Variants in LRP12 observed in about 807,000 individuals in gnomAD.
LRP12 encodes the protein LDL receptor related protein 12.
In LRP12, 14 loss-of-function variants were observed where a neutral mutation model predicts 66.0. The observed-to-expected ratio is 0.21, with a 90% confidence interval of 0.14 to 0.33. LRP12 has a LOEUF of 0.33. Ranked by LOEUF, LRP12 falls within the 10% of genes least tolerant of loss-of-function variation. LRP12 has a pLI of 1.00. For synonymous variants in LRP12, 357 were observed against 359.1 expected (o/e 0.99, Z 0.07); for missense variants, 889 against 1,053.4 (o/e 0.84, Z 2.16).
Position 104,490,490 on chromosome 8 carries a change from T to C in LRP12, c.*183A>G. The C allele has an allele frequency of 1.7e-6, 1 of 599,426 alleles. No individual in the cohort carries two copies. The allele number at this position is 599,426 out of a possible 1,614,324, so 37.1% of individuals were successfully genotyped here. A position where few individuals can be genotyped will look rare whatever the true frequency, so the allele number is the denominator to read the frequency against. On this transcript the variant is annotated 3_prime_UTR_variant, in exon 7 of 7. Transcript: ENST00000276654. The stretch of plus-strand genomic sequence containing the variant: ...TGTGATGCATTTTTAGCTGCTAAAA[T>C]AGTAAACTCTAAGTTCATAGAGTTA...
At chr8:104,540,951 C>T (rs557471589) in intron 1 of LRP12, among the ~76,000 whole-genome samples, 26 of 152,262 alleles carry the variant, frequency 1.7e-4, no homozygotes, top group African/African-American at 6.0e-4. Context: ...CCAGGATGGT[C>T]TCGATCTCCT....
At chr8:104,574,059 A>G (rs926987274) in intron 1 of LRP12, among the ~76,000 whole-genome samples, 6 of 152,152 alleles carry the variant, frequency 3.9e-5, no homozygotes, top group Non-Finnish European at 8.8e-5. Context: ...CATTTATTCA[A>G]CAAGTATTGT....
In LRP12 at chr8:104,588,841, C is replaced by G. The variant is rs765684684; in HGVS notation, c.57G>C (p.Leu19Phe). 4 of 1,612,640 alleles carry G rather than the reference C, an allele frequency of 2.5e-6. No individual in the cohort carries two copies. The Admixed American group carries it at 6.7e-5, about 27-fold the overall frequency. Residue 19 changes from leucine to phenylalanine, a missense_variant, in exon 1 of 7, where the codon TTG (leucine) becomes TTC (phenylalanine). Transcript: ENST00000276654. Reference sequence around the variant, plus strand: ...TACCGTACACCCCAGCGAGGAAAAGCAAGAGCAACGCAGACCTCCACCGCG... The same window carrying G: ...TACCGTACACCCCAGCGAGGAAAAGGAAGAGCAACGCAGACCTCCACCGCG... ...ESPRWRSALLLLFLAGVYGNG... is the reference protein window; with the variant it reads ...ESPRWRSALLFLFLAGVYGNG...
At chr8:104,541,331 A>G (rs536019983) in intron 1 of LRP12, among the ~76,000 whole-genome samples, 5 of 152,328 alleles carry the variant, frequency 3.3e-5, no homozygotes, top group Admixed American at 1.3e-4. Flanking sequence ...AGCTTGAGCT[A>G]CTGATAAAAG....
chr8:104,512,479 G>C (rs1478727475), intron 2 of LRP12, among the ~76,000 whole-genome samples: 1 of 152,108 alleles, frequency 6.6e-6, no homozygotes, highest in Non-Finnish European at 1.5e-5. Flanking sequence ...ACGTTAAAGA[G>C]ACTAATACAA....
At chr8:104,546,682 T>A (rs1811563094) in intron 1 of LRP12, among the ~76,000 whole-genome samples, 1 of 151,694 alleles carries the variant, frequency 6.6e-6, no homozygotes, top group African/African-American at 2.4e-5. Flanking sequence ...AAATACTGAA[T>A]TTCGGGGCTT....
intron 1 of LRP12, among the ~76,000 whole-genome samples, chr8:104,567,243 T>C (rs1482229081): frequency 1.3e-5 from 2 of 152,120 alleles, no homozygotes; most frequent in Non-Finnish European, 2.9e-5. Context: ...AGAGGTTTAA[T>C]TGGATTTAGT....
chr8:104,569,805 T>C (rs932812679), intron 1 of LRP12, among the ~76,000 whole-genome samples: 4 of 151,890 alleles, frequency 2.6e-5, no homozygotes, highest in Non-Finnish European at 4.4e-5. Flanking sequence ...TCTTAGCCAA[T>C]GCAATAAGGC....
At chr8:104,527,288 G>C (rs13270103) in intron 2 of LRP12, among the ~76,000 whole-genome samples, 1 of 130,600 alleles carries the variant, frequency 7.7e-6, no homozygotes, top group Non-Finnish European at 1.6e-5. Context: ...TCCTCAGGGA[G>C]CTAGAACTAG....
intron 1 of LRP12, among the ~76,000 whole-genome samples, chr8:104,562,086 A>T (rs1233507616): frequency 6.6e-6 from 1 of 152,180 alleles, no homozygotes; most frequent in Non-Finnish European, 1.5e-5. Flanking sequence ...CTTTCTGGAA[A>T]ACAAATCCTG....
At chr8:104,528,496 C>T (rs1340162337) in intron 2 of LRP12, among the ~76,000 whole-genome samples, 3 of 152,240 alleles carry the variant, frequency 2.0e-5, no homozygotes, top group African/African-American at 4.8e-5. Context: ...GCAATGAGGC[C>T]GGGCACGGTG....
At chr8:104,583,413 T>A (rs1358762481) in intron 1 of LRP12, among the ~76,000 whole-genome samples, 4 of 152,166 alleles carry the variant, frequency 2.6e-5, no homozygotes, top group Non-Finnish European at 5.9e-5. Context: ...TAAAGCTTTC[T>A]TACCCAACCA....
intron 1 of LRP12, among the ~76,000 whole-genome samples, chr8:104,543,870 C>T (rs773447926): frequency 1.3e-5 from 2 of 151,906 alleles, no homozygotes; most frequent in African/African-American, 2.4e-5. Flanking sequence ...TGCAGTGAGC[C>T]GAGATCTCGC....
chr8:104,564,516 T>C (rs1168275763), intron 1 of LRP12, among the ~76,000 whole-genome samples: 1 of 152,018 alleles, frequency 6.6e-6, no homozygotes, highest in Non-Finnish European at 1.5e-5. Context: ...ATTCTTATAT[T>C]CTCAGGTGTA....
At chr8:104,561,077 G>A (rs139467364) in intron 1 of LRP12, among the ~76,000 whole-genome samples, 1 of 152,140 alleles carries the variant, frequency 6.6e-6, no homozygotes, top group African/African-American at 2.4e-5. Flanking sequence ...ACTCAACTCT[G>A]TCACTGCAGC....
At chr8:104,509,111 C>A (rs768623999) in intron 2 of LRP12, 37 bp from the exon 3 acceptor site, 1 of 1,602,102 alleles carries the variant, frequency 6.2e-7, no homozygotes. Context: ...CTTATTATTA[C>A]ACATTTAAAT....
intron 1 of LRP12, among the ~76,000 whole-genome samples, chr8:104,547,387 G>T (rs890923124): frequency 3.1e-5 from 4 of 128,834 alleles, no homozygotes; most frequent in African/African-American, 8.8e-5. Context: ...GTTATATTTT[G>T]TATATAATAT....
chr8:104,575,298 CCT>C (rs1812148396), intron 1 of LRP12, among the ~76,000 whole-genome samples: 2 of 152,140 alleles, frequency 1.3e-5, no homozygotes, highest in African/African-American at 4.8e-5. Flanking sequence ...GCAGCAGGTC[CCT>C]GACACCCTGA....
chr8:104,510,813 C>T (rs1588487078), intron 2 of LRP12, among the ~76,000 whole-genome samples: 2 of 152,056 alleles, frequency 1.3e-5, no homozygotes, highest in African/African-American at 4.8e-5. Context: ...TTGCCTGTCT[C>T]TCAAAAGGTA....
Sources: allele counts gnomAD v4.1 joint callset (sites outside exome capture counted in the v4.1 genomes callset), GRCh38; gene constraint gnomAD v4.1.1; transcripts MANE v1.5; gene names NCBI Gene and HGNC (gene_info 2026-07-23, HGNC 2026-07-21).